Variants in GPR39 observed in about 807,000 individuals in gnomAD.
The protein encoded by GPR39 is G protein-coupled receptor 39.
A neutral mutation model predicts 18.4 loss-of-function variants in GPR39; 23 were observed. That is an observed-to-expected ratio of 1.25 (90% CI 0.90 to 1.77). GPR39 has a LOEUF of 1.77. Among genes scored for constraint, GPR39 ranks in the 40% most tolerant of loss-of-function variants. The probability of loss-of-function intolerance (pLI) is 0.00; values close to 1 mark genes in which losing one functional copy is unlikely to be tolerated. For synonymous variants in GPR39, 280 were observed against 257.9 expected (o/e 1.09, Z -0.82); for missense variants, 647 against 602.4 (o/e 1.07, Z -0.78).
chr2:132,453,308 G>C (rs1399806490), intron 1 of GPR39, among the ~76,000 whole-genome samples: 1 of 152,042 alleles, frequency 6.6e-6, no homozygotes, highest in Non-Finnish European at 1.5e-5. Flanking sequence ...CATATCCTTT[G>C]CCTAATTTTG....
At chr2:132,576,701 C>A (rs1310925738) in intron 1 of GPR39, among the ~76,000 whole-genome samples, 14 of 152,040 alleles carry the variant, frequency 9.2e-5, no homozygotes, top group Admixed American at 9.2e-4. Flanking sequence ...CAGTCCTGAA[C>A]ATTTTTTAAA....
chr2:132,596,744 G>A (rs185762064), intron 1 of GPR39, among the ~76,000 whole-genome samples: 1 of 151,988 alleles, frequency 6.6e-6, no homozygotes, highest in African/African-American at 2.4e-5. Context: ...TATATCACCC[G>A]AGAAGTTTTA....
chr2:132,419,938 GT>G (rs1174569655), intron 1 of GPR39, among the ~76,000 whole-genome samples: 1 of 152,158 alleles, frequency 6.6e-6, no homozygotes, highest in East Asian at 1.9e-4. Context: ...GTAGATGTCT[GT>G]TCTCCCCACA....
intron 1 of GPR39, among the ~76,000 whole-genome samples, chr2:132,450,625 C>A (rs529410530): frequency 6.6e-6 from 1 of 152,290 alleles, no homozygotes; most frequent in Non-Finnish European, 1.5e-5. Flanking sequence ...CCTCTGACAC[C>A]TCAGCCAGGC....
chr2:132,617,564 A>G (rs1030705368), intron 1 of GPR39, among the ~76,000 whole-genome samples: 12 of 151,728 alleles, frequency 7.9e-5, no homozygotes, highest in African/African-American at 2.2e-4. Flanking sequence ...CCCTTAGTCT[A>G]TTTTTCTTTG....
intron 1 of GPR39, among the ~76,000 whole-genome samples, chr2:132,561,818 G>T (rs768689094): frequency 3.3e-5 from 5 of 152,104 alleles, no homozygotes; most frequent in Admixed American, 6.5e-5. Flanking sequence ...AAGTCTAAAG[G>T]CCAGAAAAGG....
intron 1 of GPR39, among the ~76,000 whole-genome samples, chr2:132,574,141 CTT>C (rs1303013226): frequency 6.6e-6 from 1 of 152,184 alleles, no homozygotes; most frequent in Non-Finnish European, 1.5e-5. Context: ...ATTTCTCACT[CTT>C]TGGTCATTTT....
At chr2:132,505,279 T>C (rs115482709) in intron 1 of GPR39, among the ~76,000 whole-genome samples, 12,511 of 152,248 alleles carry the variant, frequency 0.082, 683 homozygotes, top group Non-Finnish European at 0.11. Context: ...TAATACATAA[T>C]ATGTGTACAT....
At chr2:132,473,912 C>T (rs1310543375) in intron 1 of GPR39, among the ~76,000 whole-genome samples, 1 of 152,196 alleles carries the variant, frequency 6.6e-6, no homozygotes, top group Non-Finnish European at 1.5e-5. Flanking sequence ...CATAACGGCT[C>T]TTCCTCCACA....
chr2:132,551,540 G>T (rs1297261611), intron 1 of GPR39, among the ~76,000 whole-genome samples: 1 of 152,178 alleles, frequency 6.6e-6, no homozygotes, highest in Non-Finnish European at 1.5e-5. Context: ...GTACAAGCTT[G>T]ATGCAAGGAT....
intron 1 of GPR39, among the ~76,000 whole-genome samples, chr2:132,508,271 T>C (rs1257730926): frequency 6.6e-6 from 1 of 152,154 alleles, no homozygotes; most frequent in African/African-American, 2.4e-5. Context: ...TTCTCTATTA[T>C]ACAACACAGT....
At chr2:132,587,395 C>T (rs911402776) in intron 1 of GPR39, among the ~76,000 whole-genome samples, 1 of 152,176 alleles carries the variant, frequency 6.6e-6, no homozygotes, top group Non-Finnish European at 1.5e-5. Context: ...GAACAACTGC[C>T]TCTTGGAGCT....
At chr2:132,607,416 A>T (rs1378639282) in intron 1 of GPR39, among the ~76,000 whole-genome samples, 2 of 152,002 alleles carry the variant, frequency 1.3e-5, no homozygotes, top group African/African-American at 4.8e-5. Context: ...GAGGGAGGAG[A>T]GTAGGTGGGG....
At chr2:132,454,973 T>C (rs2104773192) in intron 1 of GPR39, among the ~76,000 whole-genome samples, 1 of 152,324 alleles carries the variant, frequency 6.6e-6, no homozygotes. Context: ...CAGCCTTTGG[T>C]ATCAGGATGA....
intron 1 of GPR39, among the ~76,000 whole-genome samples, chr2:132,627,036 T>C (rs1422120654): frequency 6.6e-6 from 1 of 152,222 alleles, no homozygotes; most frequent in Non-Finnish European, 1.5e-5. Context: ...GGGGATGTCA[T>C]GGCCACAGAG....
intron 1 of GPR39, among the ~76,000 whole-genome samples, chr2:132,494,050 A>G (rs1244362887): frequency 6.6e-6 from 1 of 152,132 alleles, no homozygotes; most frequent in African/African-American, 2.4e-5. Context: ...AGCAGAAGGC[A>G]GGTTATGGGG....
At chr2:132,477,699 A>G (rs1681155452) in intron 1 of GPR39, among the ~76,000 whole-genome samples, 1 of 152,214 alleles carries the variant, frequency 6.6e-6, no homozygotes, top group Admixed American at 6.5e-5. Context: ...CTGTAGTTTC[A>G]ACAGAGACCA....
At chr2:132,437,394 C>T (rs1021312583) in intron 1 of GPR39, among the ~76,000 whole-genome samples, 1 of 152,120 alleles carries the variant, frequency 6.6e-6, no homozygotes, top group African/African-American at 2.4e-5. Flanking sequence ...ATAGATGCTC[C>T]TGGGGAAGCA....
At chr2:132,557,324 C>A (rs901609836) in intron 1 of GPR39, among the ~76,000 whole-genome samples, 3 of 152,082 alleles carry the variant, frequency 2.0e-5, no homozygotes, top group Admixed American at 1.3e-4. Context: ...TCTCAAAAAA[C>A]CCCCAAATCC....
Sources: gnomAD v4.1 joint callset for allele counts (sites outside exome capture counted in the v4.1 genomes callset) on GRCh38, gnomAD v4.1.1 for gene constraint, MANE v1.5 for transcripts, NCBI Gene and HGNC (gene_info 2026-07-23, HGNC 2026-07-21) for gene names.